Variants in WDR26 observed in about 807,000 individuals in gnomAD.
WDR26 encodes the protein WD repeat domain 26, also known as WD repeat-containing protein 26.
Under a neutral mutation model 84.1 loss-of-function variants are expected in WDR26, and 5 were observed. The ratio of observed to expected loss-of-function variants is 0.06; its 90% CI spans 0.03 to 0.13. The LOEUF (loss-of-function observed/expected upper bound fraction) is 0.13. Ranked by LOEUF, WDR26 falls within the 10% of genes least tolerant of loss-of-function variation. The pLI, the probability that WDR26 is intolerant of heterozygous loss-of-function variation, is 1.00. For missense variants in WDR26, 642 were observed against 974.9 expected, an observed-to-expected ratio of 0.66 and a Z score of 4.55; for synonymous variants, 415 against 389.6, an observed-to-expected ratio of 1.07 and a Z score of -0.77.
intron 3 of WDR26, 30 bp from the exon 4 acceptor site, chr1:224,424,684 A>G (rs1453663149): frequency 6.2e-7 from 1 of 1,613,760 alleles, no homozygotes; most frequent in Non-Finnish European, 8.5e-7. Flanking sequence ...CAGTCAGGGG[A>G]AAAAAGTTGA....
At chr1:224,432,353 T>C (rs1192484002) in intron 1 of WDR26, among the ~76,000 whole-genome samples, 1 of 152,226 alleles carries the variant, frequency 6.6e-6, no homozygotes, top group Non-Finnish European at 1.5e-5. Flanking sequence ...CTCCTGCTGC[T>C]GTCAGCTTGC....
chr1:224,420,584 C>T (rs928397468), intron 4 of WDR26, among the ~76,000 whole-genome samples: 1 of 152,150 alleles, frequency 6.6e-6, no homozygotes, highest in Non-Finnish European at 1.5e-5. Flanking sequence ...CCCTCCCTTT[C>T]TTAACTGCAT....
At chr1:224,415,052 T>A (rs1215898722) in intron 6 of WDR26, among the ~76,000 whole-genome samples, 1 of 152,152 alleles carries the variant, frequency 6.6e-6, no homozygotes, top group Non-Finnish European at 1.5e-5. Flanking sequence ...TAAATTCAGG[T>A]TCTATTTTTG....
At position 224,433,959 on chromosome 1, in the gene WDR26, GGAC is replaced by G. The variant is rs778003049; in HGVS notation, c.444_446del (p.Ser149del). The G allele has an allele frequency of 3.3e-6, 5 of 1,531,800 alleles. No individual in the cohort carries two copies. Among genetic ancestry groups the G allele is most frequent in the Non-Finnish European group, 3.5e-6 (4 of 1,143,180 alleles). The allele number at this position is 1,531,800 out of a possible 1,614,324, so 94.9% of individuals were successfully genotyped here. ...CATTGGCGTGGGCCAGGTCCCCCGC[GGAC>G]GACGACGACGAGGGGGACGACTCCC... On this transcript the variant is annotated inframe_deletion, in exon 1 of 14. Coordinates refer to ENST00000414423, the MANE Select transcript of WDR26 (RefSeq NM_001379403.1).
chr1:224,427,103 CCAAAAAAAAAA>C (rs1674251640), intron 3 of WDR26, among the ~76,000 whole-genome samples: 1 of 91,168 alleles, frequency 1.1e-5, no homozygotes, highest in Non-Finnish European at 2.1e-5. Context: ...AACTCTGTCT[CCAAAAAAAAAA>C]AAAAAAAAAA....
intron 3 of WDR26, among the ~76,000 whole-genome samples, chr1:224,428,859 T>C (rs1183281806): frequency 1.3e-5 from 2 of 150,764 alleles, no homozygotes; most frequent in African/African-American, 2.4e-5. Flanking sequence ...TGAGCCAAGA[T>C]TGCGCCATTG....
chr1:224,393,689 G>A (rs953258903), intron 13 of WDR26, 139 bp downstream of exon 13: 1 of 648,644 alleles, frequency 1.5e-6, no homozygotes, highest in Non-Finnish European at 2.3e-6. Flanking sequence ...TCTGTGGCCT[G>A]AGATAGGGTA....
At chr1:224,406,956 T>C (rs987850299) in intron 7 of WDR26, among the ~76,000 whole-genome samples, 4 of 150,342 alleles carry the variant, frequency 2.7e-5, no homozygotes, top group Non-Finnish European at 5.9e-5. Context: ...ACCCTGTCTC[T>C]ACTAAAAATA....
chr1:224,424,985 AG>A (rs1231635477), intron 3 of WDR26, among the ~76,000 whole-genome samples: 1 of 152,246 alleles, frequency 6.6e-6, no homozygotes, highest in East Asian at 1.9e-4. Flanking sequence ...ATAAAAATTT[AG>A]AACTATTCCA....
At position 224,389,425 on chromosome 1, in the gene WDR26, C is replaced by G; in HGVS notation, c.*410G>C. 2.3e-6 allele frequency: 1 copy of G among 438,186 alleles called. No homozygotes were observed. The allele number at this position is 438,186 out of a possible 1,614,324, so 27.1% of individuals were successfully genotyped here. ...TGTATACTCTTCAGACTAATGCACT[C>G]TTTCTATCAAGCCTTCTAAACTGTT... On this transcript the variant is annotated 3_prime_UTR_variant, in exon 14 of 14. Transcript: ENST00000414423.
At position 224,404,483 on chromosome 1, in the gene WDR26, G is replaced by A; in HGVS notation, c.1546C>T (p.Leu516Phe). ...CAGTCATCTGGGCCACAAGCAACAA[G>A]ATAGTTGTCATCTGGACTCCATGCA... The change falls in exon 8 of 14, where the codon CTT becomes TTT. Residue 516 changes from leucine to phenylalanine, a missense_variant. Coordinates refer to ENST00000414423, the MANE Select transcript of WDR26 (RefSeq NM_001379403.1). The A allele has an allele frequency of 1.2e-6, 2 of 1,614,110 alleles. No homozygotes were observed. Among genetic ancestry groups the A allele is most frequent in the Middle Eastern group, 1.7e-4 (1 of 6,060 alleles).
chr1:224,413,272 C>A, intron 6 of WDR26: 1 of 1,215,988 alleles, frequency 8.2e-7, no homozygotes, highest in South Asian at 1.4e-5. Context: ...TATCTTGAAA[C>A]ACGGTCTTCC....
intron 6 of WDR26, among the ~76,000 whole-genome samples, chr1:224,415,421 G>A (rs1477569384): frequency 1.3e-5 from 2 of 151,028 alleles, no homozygotes; most frequent in African/African-American, 2.5e-5. Flanking sequence ...TAAGGATGAG[G>A]GAAGAAACAA....
chr1:224,425,794 C>T (rs1674192475), intron 3 of WDR26, among the ~76,000 whole-genome samples: 1 of 151,946 alleles, frequency 6.6e-6, no homozygotes, highest in South Asian at 2.1e-4. Flanking sequence ...AGGAATACAG[C>T]GGTAAAGATC....
At position 224,394,033 on chromosome 1, in the gene WDR26, GAA is replaced by G. The variant is rs1327462068; in HGVS notation, c.2075-22_2075-21del. Reference sequence around the variant, plus strand: ...TGTGATCTGAACATATAGTAATTCAGAAAAAAGTTTTACATTAATAAAACCAA... The same window carrying G: ...TGTGATCTGAACATATAGTAATTCAGAAAAGTTTTACATTAATAAAACCAA... On this transcript the variant is annotated intron_variant, in intron 12 of 13. Coordinates refer to ENST00000414423, the MANE Select transcript of WDR26 (RefSeq NM_001379403.1). 2.8e-6 allele frequency: 4 copies of G among 1,411,328 alleles called. No individual in the cohort carries two copies. In the African/African-American group the frequency reaches 4.3e-5, roughly 15 times the overall value. The allele number at this position is 1,411,328 out of a possible 1,614,324, so 87.4% of individuals were successfully genotyped here. A position where few individuals can be genotyped will look rare whatever the true frequency, so the allele number is the denominator to read the frequency against.
chr1:224,418,942 A>G (rs1295905113), intron 5 of WDR26, among the ~76,000 whole-genome samples: 1 of 152,226 alleles, frequency 6.6e-6, no homozygotes, highest in African/African-American at 2.4e-5. Flanking sequence ...TTTGATATCC[A>G]TACCAACCTA....
rs35958886 is a variant in WDR26 at position 224,393,979 on chromosome 1, T to C, written c.2109A>G (p.Glu703=). 1.1e-3 allele frequency: 1,746 copies of C among 1,536,420 alleles called. 18 individuals carry two copies. In the African/African-American group the frequency reaches 0.02, roughly 18 times the overall value. The change falls in exon 13 of 14, where the codon GAA becomes GAG. Residue 703 remains glutamate (E), a synonymous_variant. Transcript: ENST00000414423. ...GCCCTGTCAGCTCCGCAATTGGCAGTTCACTACGTTTGTGCCAGATGTAAA... is the reference window on the plus strand; with the variant it reads ...GCCCTGTCAGCTCCGCAATTGGCAGCTCACTACGTTTGTGCCAGATGTAAA...
chr1:224,433,618 CCCT>C, intron 1 of WDR26, 63 bp downstream of exon 1: 7 of 1,096,264 alleles, frequency 6.4e-6, no homozygotes, highest in African/African-American at 1.6e-5. Context: ...CCGCCCCTTC[CCCT>C]ACCCCCCTGG....
At chr1:224,404,343 A>G in intron 8 of WDR26, 87 bp downstream of exon 8, 1 of 1,449,900 alleles carries the variant, frequency 6.9e-7, no homozygotes, top group Non-Finnish European at 9.2e-7. Context: ...GAATGGTTAT[A>G]TTATATAAAT....
Sources: allele counts gnomAD v4.1 joint callset (sites outside exome capture counted in the v4.1 genomes callset), GRCh38; gene constraint gnomAD v4.1.1; transcripts MANE v1.5; gene names NCBI Gene and HGNC (gene_info 2026-07-23, HGNC 2026-07-21).